CYP51A1: variants seen among roughly 807,000 people sequenced by gnomAD.
The protein encoded by CYP51A1 is lanosterol 14-alpha demethylase.
A neutral mutation model predicts 53.5 loss-of-function variants in CYP51A1; 45 were observed. That is an observed-to-expected ratio of 0.84 (90% CI 0.66 to 1.08). The LOEUF (loss-of-function observed/expected upper bound fraction) is 1.08, where lower values mean the gene tolerates loss of function less well. Among genes scored for constraint, CYP51A1 ranks in the 50% least tolerant of loss-of-function variants. The pLI is 0.00. For missense variants in CYP51A1, 462 were observed against 621.7 expected, an observed-to-expected ratio of 0.74 and a Z score of 2.73; for synonymous variants, 181 against 217.7, an observed-to-expected ratio of 0.83 and a Z score of 1.48.
chr7:92,130,001 G>A (rs550900215), intron 2 of CYP51A1, among the ~76,000 whole-genome samples: 4 of 152,170 alleles, frequency 2.6e-5, no homozygotes, highest in Admixed American at 6.5e-5. Context: ...GTTTTTAAAC[G>A]GGTGACAAGA....
intron 7 of CYP51A1, among the ~76,000 whole-genome samples, chr7:92,120,616 A>C (rs1474970842): frequency 6.6e-6 from 1 of 152,192 alleles, no homozygotes; most frequent in Non-Finnish European, 1.5e-5. Context: ...AGACAATTCA[A>C]CGTGGAAAAA....
At chr7:92,129,159 A>C in intron 2 of CYP51A1, 103 bp from the exon 3 acceptor site, 2 of 665,028 alleles carry the variant, frequency 3.0e-6, no homozygotes, top group Non-Finnish European at 4.8e-6. Context: ...AAAAATAAAA[A>C]CATATATAAA....
At chr7:92,130,126 G>A (rs907065727) in intron 2 of CYP51A1, among the ~76,000 whole-genome samples, 4 of 152,170 alleles carry the variant, frequency 2.6e-5, no homozygotes, top group African/African-American at 7.2e-5. Context: ...TTCAGCCTCC[G>A]ATAAGAGGCA....
chr7:92,120,891 T>C (rs1156265046), intron 7 of CYP51A1, among the ~76,000 whole-genome samples: 5 of 152,076 alleles, frequency 3.3e-5, no homozygotes, highest in South Asian at 2.1e-4. Context: ...ATTTTAAATA[T>C]GGGAACAGGA....
chr7:92,120,608 A>ACAATT (rs1819671903), intron 7 of CYP51A1, among the ~76,000 whole-genome samples: 1 of 152,182 alleles, frequency 6.6e-6, no homozygotes, highest in South Asian at 2.1e-4. Flanking sequence ...TTTTACAAAG[A>ACAATT]CAATTCAACG....
chr7:92,116,005 C>T (rs1301562445), intron 9 of CYP51A1, among the ~76,000 whole-genome samples: 1 of 152,226 alleles, frequency 6.6e-6, no homozygotes, highest in Non-Finnish European at 1.5e-5. Context: ...GGTGGCATGG[C>T]TCACGCCTGT....
chr7:92,121,179 G>A (rs925163461), intron 7 of CYP51A1, among the ~76,000 whole-genome samples: 4 of 151,936 alleles, frequency 2.6e-5, no homozygotes, highest in African/African-American at 9.7e-5. Context: ...CTACTTGGGA[G>A]GCTGAGGAAG....
chr7:92,125,096 C>A (rs1278848710), intron 5 of CYP51A1, among the ~76,000 whole-genome samples: 5 of 146,820 alleles, frequency 3.4e-5, no homozygotes, highest in African/African-American at 1.3e-4. Context: ...GTGAGCCGAG[C>A]TCATGCCACT....
At position 92,118,625 on chromosome 7, in the gene CYP51A1, G is replaced by A; in HGVS notation, c.1087-10C>T. On this transcript the variant is annotated splice_polypyrimidine_tract_variant and intron_variant, in intron 7 of 9. Transcript: ENST00000003100. ...AATTTAGATCCTTGAGCTAAAATGA[G>A]AAAGCATTTCCTGATTGTTATAAAT... 1 of 1,415,712 alleles carries A rather than the reference G, an allele frequency of 7.1e-7. No homozygotes were observed. The highest frequency in any genetic ancestry group is 1.1e-5 in the South Asian group (1 of 87,090). The allele number at this position is 1,415,712 out of a possible 1,614,324, so 87.7% of individuals were successfully genotyped here.
Position 92,112,322 on chromosome 7 carries a change from A to G in CYP51A1, c.*1343T>C, listed in dbSNP as rs1819385335. 6.6e-6 allele frequency: 1 copy of G among 152,226 alleles called. No homozygotes were observed. Among genetic ancestry groups the G allele is most frequent in the Non-Finnish European group, 1.5e-5 (1 of 68,048 alleles). 9.4% of individuals were successfully genotyped at this position (152,226 alleles called of 1,614,324 possible). ...GATGTGGTATTTTTTCAGCCATCTC[A>G]TATAGTTAGGCCCCGAGTTACAATT... On this transcript the variant is annotated 3_prime_UTR_variant, in exon 10 of 10. Transcript: ENST00000003100.
intron 7 of CYP51A1, among the ~76,000 whole-genome samples, chr7:92,121,527 G>A (rs1208144733): frequency 2.0e-5 from 3 of 152,120 alleles, no homozygotes; most frequent in Admixed American, 6.5e-5. Flanking sequence ...CAAACGTTTA[G>A]AGCGGCATTA....
intron 3 of CYP51A1, among the ~76,000 whole-genome samples, chr7:92,128,071 T>C (rs537238947): frequency 5.3e-5 from 8 of 152,306 alleles, no homozygotes; most frequent in African/African-American, 1.4e-4. Flanking sequence ...AACATACACA[T>C]AGATGTACCC....
chr7:92,132,197 C>G (rs1819936246), intron 1 of CYP51A1, among the ~76,000 whole-genome samples: 1 of 152,186 alleles, frequency 6.6e-6, no homozygotes, highest in Admixed American at 6.5e-5. Flanking sequence ...ACTTTTCTAA[C>G]CATTAGTAGC....
chr7:92,134,126 C>T (rs759725678), intron 1 of CYP51A1, 47 bp downstream of exon 1: 34 of 1,589,030 alleles, frequency 2.1e-5, no homozygotes, highest in Non-Finnish European at 2.9e-5. Context: ...CTTCGGCCGC[C>T]TCAGCTGCGG....
chr7:92,119,830 C>T (rs1334511749), intron 7 of CYP51A1, among the ~76,000 whole-genome samples: 1 of 151,932 alleles, frequency 6.6e-6, no homozygotes, highest in Non-Finnish European at 1.5e-5. Context: ...GAATTTAAAT[C>T]AGCTATTATA....
intron 9 of CYP51A1, among the ~76,000 whole-genome samples, chr7:92,116,449 T>C (rs941018632): frequency 6.6e-6 from 1 of 152,136 alleles, no homozygotes; most frequent in Non-Finnish European, 1.5e-5. Flanking sequence ...GACTAAAGCA[T>C]AGAATATAGT....
chr7:92,126,776 C>T (rs1819809982), intron 4 of CYP51A1, among the ~76,000 whole-genome samples: 1 of 152,074 alleles, frequency 6.6e-6, no homozygotes, highest in Non-Finnish European at 1.5e-5. Context: ...AAGGTACTTC[C>T]CAAGGAATAG....
chr7:92,134,713 T>TGTGCCCGGGTGCGGG (rs1376583185), upstream of CYP51A1: 1 of 250,648 alleles, frequency 4.0e-6, no homozygotes, highest in African/African-American at 2.2e-5. Flanking sequence ...CCGTTTTTTG[T>TGTGCCCGGGTGCGGG]GTGCCCGGGT....
chr7:92,132,085 A>C (rs1156955305), intron 1 of CYP51A1, among the ~76,000 whole-genome samples: 1 of 152,190 alleles, frequency 6.6e-6, no homozygotes, highest in African/African-American at 2.4e-5. Context: ...GAAACTCAAA[A>C]CACGGTATAA....
Sources: allele counts gnomAD v4.1 joint callset (sites outside exome capture counted in the v4.1 genomes callset), GRCh38; gene constraint gnomAD v4.1.1; transcripts MANE v1.5; gene names NCBI Gene and HGNC (gene_info 2026-07-23, HGNC 2026-07-21).